DAB1: variants seen among roughly 807,000 people sequenced by gnomAD.
DAB1 encodes the protein DAB adaptor protein 1, also known as disabled homolog 1.
In DAB1, 15 loss-of-function variants were observed where a neutral mutation model predicts 64.6. The observed-to-expected ratio is 0.23, with a 90% CI of 0.16 to 0.36. The LOEUF is 0.36. Among genes scored for constraint, DAB1 ranks in the 10% least tolerant of loss-of-function variants. DAB1 has a pLI of 1.00. For synonymous variants in DAB1, 235 were observed against 251.9 expected, an observed-to-expected ratio of 0.93 and a Z score of 0.64; for missense variants, 596 against 706.7, an observed-to-expected ratio of 0.84 and a Z score of 1.78.
At chr1:58,030,873 C>T (rs1480353828) in intron 5 of DAB1, among the ~76,000 whole-genome samples, 2 of 152,308 alleles carry the variant, frequency 1.3e-5, no homozygotes, top group Non-Finnish European at 2.9e-5. Context: ...TAGGCATGGA[C>T]GGCCTTCAAG....
intron 6 of DAB1, among the ~76,000 whole-genome samples, chr1:57,739,622 T>C (rs1242072816): frequency 2.0e-5 from 3 of 150,642 alleles, no homozygotes; most frequent in East Asian, 4.0e-4. Flanking sequence ...CGGCTAATTT[T>C]CTGTATTTTT....
At chr1:57,126,999 C>T (rs1657181897) in intron 4 of DAB1, among the ~76,000 whole-genome samples, 1 of 151,840 alleles carries the variant, frequency 6.6e-6, no homozygotes, top group Non-Finnish European at 1.5e-5. Context: ...CTGGCCATCA[C>T]TGTAAAGCAC....
chr1:58,143,933 G>A (rs193289825), intron 5 of DAB1, among the ~76,000 whole-genome samples: 1 of 152,276 alleles, frequency 6.6e-6, no homozygotes, highest in East Asian at 1.9e-4. Context: ...ATGATGTCTT[G>A]TCAGAGCATT....
At chr1:57,732,095 A>G (rs777842239) in intron 6 of DAB1, among the ~76,000 whole-genome samples, 1 of 152,166 alleles carries the variant, frequency 6.6e-6, no homozygotes, top group African/African-American at 2.4e-5. Flanking sequence ...TGCAGAATAA[A>G]GGCACACATA....
chr1:57,154,661 C>T (rs1660040450), intron 2 of DAB1, among the ~76,000 whole-genome samples: 1 of 152,222 alleles, frequency 6.6e-6, no homozygotes, highest in Non-Finnish European at 1.5e-5. Context: ...TTCTCACCAA[C>T]AGTGTACAAG....
rs1653492597 is a variant in DAB1, at chr1:58,130,682, G to T, written n.387+19829C>A. 1.3e-4 allele frequency among the ~76,000 whole-genome samples: 20 copies of T among 151,370 alleles called. No homozygotes were observed. The South Asian group carries it at 4.2e-3, about 32-fold the overall frequency. ...TGACAAAATCTCTCAGCATTTGCTT[G>T]TCTGTAAAGTATTTTATTTCTCCTT... On this transcript the variant is annotated intron_variant and non_coding_transcript_variant, in intron 5 of 20. Coordinates refer to the DAB1 transcript ENST00000485760.
chr1:58,532,074 GC>G (rs1646442755), intron 1 of DAB1, among the ~76,000 whole-genome samples: 1 of 152,066 alleles, frequency 6.6e-6, no homozygotes, highest in Non-Finnish European at 1.5e-5. Context: ...AGAAGAGAAA[GC>G]CCTTGTTATT....
intron 7 of DAB1, among the ~76,000 whole-genome samples, chr1:57,542,356 G>A (rs916863917): frequency 6.6e-6 from 1 of 151,536 alleles, no homozygotes; most frequent in Non-Finnish European, 1.5e-5. Context: ...TACCAGGCCT[G>A]GCAGTGGGCC....
intron 4 of DAB1, among the ~76,000 whole-genome samples, chr1:58,266,506 T>C (rs1039500787): frequency 6.6e-6 from 1 of 152,204 alleles, no homozygotes; most frequent in Admixed American, 6.5e-5. Flanking sequence ...GGTAAGTCCC[T>C]TTCTCCCTGC....
intron 1 of DAB1, among the ~76,000 whole-genome samples, chr1:57,361,178 T>A (rs1336081055): frequency 6.6e-6 from 1 of 152,146 alleles, no homozygotes; most frequent in Non-Finnish European, 1.5e-5. Flanking sequence ...AAGAAGAAAC[T>A]GCAATTACAG....
At chr1:57,932,509 C>T (rs1053980773) in intron 5 of DAB1, among the ~76,000 whole-genome samples, 1 of 144,320 alleles carries the variant, frequency 6.9e-6, no homozygotes, top group East Asian at 2.0e-4. Flanking sequence ...GACGGGGTTT[C>T]ACCATGTTGG....
At chr1:57,937,784 C>A (rs1645048094) in intron 5 of DAB1, among the ~76,000 whole-genome samples, 1 of 152,212 alleles carries the variant, frequency 6.6e-6, no homozygotes, top group African/African-American at 2.4e-5. Flanking sequence ...CTCACTGGCC[C>A]TTCCTTACTA....
At chr1:58,180,934 T>C (rs759154829) in intron 4 of DAB1, among the ~76,000 whole-genome samples, 3 of 152,194 alleles carry the variant, frequency 2.0e-5, no homozygotes, top group Non-Finnish European at 2.9e-5. Flanking sequence ...TTGAAAAGAA[T>C]ATGCATTCTG....
intron 5 of DAB1, among the ~76,000 whole-genome samples, chr1:58,006,396 T>A (rs1439634916): frequency 1.3e-5 from 2 of 152,128 alleles, no homozygotes; most frequent in African/African-American, 2.4e-5. Flanking sequence ...TCCTATAAAG[T>A]CAGGACTCAA....
intron 1 of DAB1, among the ~76,000 whole-genome samples, chr1:57,845,899 A>G (rs1653258017): frequency 6.6e-6 from 1 of 152,178 alleles, no homozygotes; most frequent in Non-Finnish European, 1.5e-5. Flanking sequence ...AAACCCTTCA[A>G]ATATTCCTGT....
intron 2 of DAB1, among the ~76,000 whole-genome samples, chr1:57,225,705 G>A (rs1171377225): frequency 6.6e-6 from 1 of 152,174 alleles, no homozygotes; most frequent in Non-Finnish European, 1.5e-5. Context: ...TTCCTAAAAA[G>A]CAAAGCTAAT....
At chr1:58,432,221 T>C (rs1273661809) in intron 3 of DAB1, among the ~76,000 whole-genome samples, 2 of 152,194 alleles carry the variant, frequency 1.3e-5, no homozygotes, top group East Asian at 3.9e-4. Flanking sequence ...CTCTCTTTCT[T>C]AGGGATGGGA....
chr1:57,196,832 C>A (rs890454950), intron 2 of DAB1, among the ~76,000 whole-genome samples: 2 of 152,206 alleles, frequency 1.3e-5, no homozygotes, highest in African/African-American at 2.4e-5. Flanking sequence ...TTTGAAAATT[C>A]ACTTTTAATT....
intron 4 of DAB1, among the ~76,000 whole-genome samples, chr1:58,302,072 A>G (rs1462838598): frequency 6.6e-6 from 1 of 152,056 alleles, no homozygotes; most frequent in African/African-American, 2.4e-5. Context: ...GTGGGGTGAG[A>G]GATGGGATCA....
Sources: allele counts gnomAD v4.1 joint callset (sites outside exome capture counted in the v4.1 genomes callset), GRCh38; gene constraint gnomAD v4.1.1; transcripts MANE v1.5; gene names NCBI Gene and HGNC (gene_info 2026-07-23, HGNC 2026-07-21).